The following PSD3 variants were observed in gnomAD, a reference collection of about 807,000 sequenced individuals.
PSD3 encodes pleckstrin and Sec7 domain containing 3.
In PSD3, 49 loss-of-function variants were observed where a neutral mutation model predicts 105.5. The ratio of observed to expected loss-of-function variants is 0.46; its 90% CI spans 0.37 to 0.59. PSD3 has a LOEUF of 0.59. Among genes scored for constraint, PSD3 ranks in the 20% least tolerant of loss-of-function variants. The pLI is 0.00. For synonymous variants in PSD3, 557 were observed against 457.8 expected, an observed-to-expected ratio of 1.22 and a Z score of -2.77; for missense variants, 1,561 against 1,263.8, an observed-to-expected ratio of 1.24 and a Z score of -3.57.
At chr8:18,771,800 T>C (rs1807560956) in intron 8 of PSD3, among the ~76,000 whole-genome samples, 1 of 152,240 alleles carries the variant, frequency 6.6e-6, no homozygotes, top group Non-Finnish European at 1.5e-5. Flanking sequence ...TGTTTCACAT[T>C]AGTATATTCA....
At chr8:19,019,957 T>C (rs1426361940) in intron 1 of PSD3, among the ~76,000 whole-genome samples, 3 of 152,140 alleles carry the variant, frequency 2.0e-5, no homozygotes, top group Non-Finnish European at 4.4e-5. Flanking sequence ...GACCAGAGGG[T>C]GGTCCGGGGC....
chr8:18,798,258 C>A (rs867240898), intron 8 of PSD3, among the ~76,000 whole-genome samples: 1 of 152,092 alleles, frequency 6.6e-6, no homozygotes, highest in African/African-American at 2.4e-5. Context: ...GTTTACAAGC[C>A]ACTAAGTGAT....
At chr8:18,573,702 C>T (rs73211720) in intron 13 of PSD3, among the ~76,000 whole-genome samples, 3 of 152,024 alleles carry the variant, frequency 2.0e-5, no homozygotes, top group Non-Finnish European at 4.4e-5. Context: ...AAGACCACAT[C>T]ATATATTAGT....
In PSD3 at chr8:19,074,584, G is replaced by GATAT. The variant is rs57891868; in HGVS notation, c.324+9618_324+9621dup. Among the ~76,000 whole-genome samples, 735 of 99,374 alleles carry GATAT rather than the reference G, an allele frequency of 7.4e-3. 28 individuals are homozygous for GATAT. Among genetic ancestry groups the GATAT allele is most frequent in the African/African-American group, 0.013 (335 of 26,750 alleles). The allele number at this position is 99,374 out of a possible 152,430, so 65.2% of individuals were successfully genotyped here. A position where few individuals can be genotyped will look rare whatever the true frequency, so the allele number is the denominator to read the frequency against. On this transcript the variant is annotated intron_variant, in intron 1 of 1. Coordinates refer to the PSD3 transcript ENST00000521475. ...ATAAAAGGTATAATTTTACAACTCA[G>GATAT]ATATATACATATATATATATATATA...
At chr8:18,979,431 G>A (rs1027206135) in intron 1 of PSD3, among the ~76,000 whole-genome samples, 1 of 152,168 alleles carries the variant, frequency 6.6e-6, no homozygotes, top group Non-Finnish European at 1.5e-5. Context: ...TTGGCATTTG[G>A]ATTAATAGAA....
chr8:19,026,701 CAAAAAAA>C (rs10669321), intron 1 of PSD3, among the ~76,000 whole-genome samples: 3,432 of 82,210 alleles, frequency 0.042, 147 homozygotes, highest in African/African-American at 0.14. Flanking sequence ...CACATCTCTA[CAAAAAAA>C]AAAAAAAAAA....
chr8:19,033,021 G>T (rs1429857508), intron 1 of PSD3, among the ~76,000 whole-genome samples: 1 of 152,098 alleles, frequency 6.6e-6, no homozygotes, highest in Non-Finnish European at 1.5e-5. Context: ...GAGGTGGGAA[G>T]ATCCCTTGAG....
At chr8:18,631,190 A>T (rs1271136815) in intron 11 of PSD3, among the ~76,000 whole-genome samples, 1 of 151,990 alleles carries the variant, frequency 6.6e-6, no homozygotes, top group African/African-American at 2.4e-5. Flanking sequence ...GGAAAACTGC[A>T]ATGTTTGGCA....
chr8:18,746,816 T>A (rs1269347907), intron 9 of PSD3, among the ~76,000 whole-genome samples: 1 of 152,226 alleles, frequency 6.6e-6, no homozygotes, highest in Non-Finnish European at 1.5e-5. Context: ...CCACTTTGAG[T>A]TTTCATGGAC....
At chr8:18,791,275 A>G (rs1239821042) in intron 8 of PSD3, among the ~76,000 whole-genome samples, 1 of 152,218 alleles carries the variant, frequency 6.6e-6, no homozygotes, top group East Asian at 1.9e-4. Flanking sequence ...AGTCAAAGCA[A>G]TGCTAGGCAA....
At chr8:18,983,908 C>G (rs1414668554) in intron 1 of PSD3, among the ~76,000 whole-genome samples, 2 of 150,552 alleles carry the variant, frequency 1.3e-5, no homozygotes, top group Non-Finnish European at 2.9e-5. Context: ...GAGGCTGAGA[C>G]AGGAGGATCA....
chr8:18,731,670 C>A (rs576866307), intron 9 of PSD3, among the ~76,000 whole-genome samples: 1 of 152,276 alleles, frequency 6.6e-6, no homozygotes, highest in South Asian at 2.1e-4. Flanking sequence ...GAAACCAGGA[C>A]TCAGAACAGT....
chr8:18,787,821 T>A (rs544512011), intron 8 of PSD3, among the ~76,000 whole-genome samples: 2 of 152,220 alleles, frequency 1.3e-5, no homozygotes, highest in Non-Finnish European at 2.9e-5. Flanking sequence ...ATATGTTTAA[T>A]ACATTCCCAT....
At chr8:18,790,452 G>A (rs571581716) in intron 8 of PSD3, among the ~76,000 whole-genome samples, 4 of 151,558 alleles carry the variant, frequency 2.6e-5, no homozygotes, top group East Asian at 2.0e-4. Context: ...ACAGGCTCCC[G>A]CCACCATGCC....
At chr8:18,796,709 G>A (rs1485663055) in intron 8 of PSD3, among the ~76,000 whole-genome samples, 1 of 152,130 alleles carries the variant, frequency 6.6e-6, no homozygotes, top group Non-Finnish European at 1.5e-5. Context: ...CTCCCCTACT[G>A]AAAGCATATG....
chr8:18,749,451 G>A (rs930699093), intron 9 of PSD3, among the ~76,000 whole-genome samples: 8 of 152,350 alleles, frequency 5.3e-5, no homozygotes, highest in Middle Eastern at 3.4e-3. Context: ...ATTTATGCAG[G>A]ATTTTAAAGA....
chr8:18,773,979 T>G (rs1005545576), intron 8 of PSD3, among the ~76,000 whole-genome samples: 4 of 152,236 alleles, frequency 2.6e-5, no homozygotes, highest in African/African-American at 9.6e-5. Context: ...ATATCTTGAT[T>G]TTTTGATGCT....
At chr8:18,854,714 A>T (rs1815864527) in intron 4 of PSD3, among the ~76,000 whole-genome samples, 1 of 152,254 alleles carries the variant, frequency 6.6e-6, no homozygotes, top group South Asian at 2.1e-4. Context: ...TACACAATTT[A>T]GCTCTGTTAA....
intron 8 of PSD3, among the ~76,000 whole-genome samples, chr8:18,775,676 A>G (rs1807990913): frequency 6.6e-6 from 1 of 152,176 alleles, no homozygotes; most frequent in African/African-American, 2.4e-5. Context: ...CCATTTTAAA[A>G]TCGAGTTATT....
Sources: allele counts gnomAD v4.1 joint callset (sites outside exome capture counted in the v4.1 genomes callset), GRCh38; gene constraint gnomAD v4.1.1; transcripts MANE v1.5; gene names NCBI Gene and HGNC (gene_info 2026-07-23, HGNC 2026-07-21).